FSTL4: variants seen among roughly 807,000 people sequenced by gnomAD.
The protein encoded by FSTL4 is follistatin like 4.
FSTL4 carries 28 observed loss-of-function variants against 78.2 expected under a neutral mutation model. That is an observed-to-expected ratio of 0.36 (90% CI 0.27 to 0.49). The LOEUF (loss-of-function observed/expected upper bound fraction) is 0.49, where lower values mean the gene tolerates loss of function less well. Ranked by LOEUF, FSTL4 falls within the 20% of genes least tolerant of loss-of-function variation. The pLI is 0.98. For synonymous variants in FSTL4, 422 were observed against 440.5 expected (o/e 0.96, Z 0.53); for missense variants, 922 against 1,084.9 (o/e 0.85, Z 2.11).
At chr5:133,657,759 G>GTTTTTTTTTTTTTTTTTTTTTTTTTTTTT in the FSTL4 span, among the ~76,000 whole-genome samples, 1 of 111,776 alleles carries the variant, frequency 8.9e-6, no homozygotes, top group Admixed American at 9.3e-5. Flanking sequence ...CTAGCTTACT[G>GTTTTTTTTTTTTTTTTTTTTTTTTTTTTT]TTTTTTGTTT....
chr5:133,697,881 C>T, the FSTL4 span, among the ~76,000 whole-genome samples: 215 of 151,128 alleles, frequency 1.4e-3, no homozygotes, highest in African/African-American at 5.1e-3. Flanking sequence ...GCTGTACTCC[C>T]CCAGTGTCTG....
intron 3 of FSTL4, among the ~76,000 whole-genome samples, chr5:133,423,373 C>T (rs1756739256): frequency 6.6e-6 from 1 of 152,216 alleles, no homozygotes; most frequent in Admixed American, 6.5e-5. Context: ...GAAGGCCCAT[C>T]CTCCCTCTGC....
At chr5:133,594,377 G>C (rs1400940361) in intron 2 of FSTL4, among the ~76,000 whole-genome samples, 1 of 152,222 alleles carries the variant, frequency 6.6e-6, no homozygotes, top group Non-Finnish European at 1.5e-5. Flanking sequence ...ATTTTTGGTA[G>C]AGACTGGGTT....
At chr5:133,508,737 A>T (rs1388516749) in intron 3 of FSTL4, among the ~76,000 whole-genome samples, 1 of 152,226 alleles carries the variant, frequency 6.6e-6, no homozygotes, top group African/African-American at 2.4e-5. Flanking sequence ...AAGTCCTGAA[A>T]CCACATGAGT....
intron 4 of FSTL4, among the ~76,000 whole-genome samples, chr5:133,398,213 C>A (rs1756124130): frequency 1.3e-5 from 2 of 152,186 alleles, no homozygotes; most frequent in African/African-American, 4.8e-5. Flanking sequence ...GTGCCCAGGT[C>A]TTTCCTGTTT....
Position 133,210,254 on chromosome 5 carries a change from C to T in FSTL4, c.1653G>A (p.Lys551=). 1 of 1,612,900 alleles carries T rather than the reference C, an allele frequency of 6.2e-7. No homozygotes were observed. Among genetic ancestry groups the T allele is most frequent in the Admixed American group, 1.7e-5 (1 of 59,990 alleles). The part of the protein sequence containing the change: ...DPLPAKLSYD[K]SHDQVWVLSW... Reference sequence around the variant, plus strand: ...TCAGGACCCACACTTGGTCATGTGACTTGTCATAGGACAGCTTAGCCGGCA... The same window carrying T: ...TCAGGACCCACACTTGGTCATGTGATTTGTCATAGGACAGCTTAGCCGGCA... Residue 551 remains lysine (K), a synonymous_variant, in exon 14 of 16, where the codon AAG becomes AAA. Transcript: ENST00000265342.
chr5:133,225,907 G>A lies in FSTL4; in HGVS notation c.1016-88C>T. 9.8e-7 allele frequency: 1 copy of A among 1,021,460 alleles called. No homozygotes were observed. Among genetic ancestry groups the A allele is most frequent in the Non-Finnish European group, 1.4e-6 (1 of 736,416 alleles). The allele number at this position is 1,021,460 out of a possible 1,614,324, so 63.3% of individuals were successfully genotyped here. A position where few individuals can be genotyped will look rare whatever the true frequency, so the allele number is the denominator to read the frequency against. On this transcript the variant is annotated intron_variant, in intron 8 of 15. Coordinates refer to ENST00000265342, the MANE Select transcript of FSTL4 (RefSeq NM_015082.2). The surrounding 1 kb of genome is among the most constrained non-coding windows in gnomAD (Gnocchi z 4.6). ...CCCAACCTGAGACCCTGCTCCAGAG[G>A]GGGTGAACCCAAGTAGGTGACTGGA...
At chr5:133,771,136 T>C in the FSTL4 span, among the ~76,000 whole-genome samples, 1,111 of 152,306 alleles carry the variant, frequency 7.3e-3, 6 homozygotes, top group Non-Finnish European at 0.011. Flanking sequence ...CCTTGTAATA[T>C]AATTTGAAGT....
At chr5:133,764,388 G>A in the FSTL4 span, among the ~76,000 whole-genome samples, 1 of 152,146 alleles carries the variant, frequency 6.6e-6, no homozygotes, top group Non-Finnish European at 1.5e-5. Context: ...CCCGTATGAT[G>A]CACCAGGCAT....
the FSTL4 span, among the ~76,000 whole-genome samples, chr5:133,833,564 C>CCTCATCTGT: frequency 3.3e-5 from 5 of 152,210 alleles, no homozygotes; most frequent in Non-Finnish European, 7.3e-5. Context: ...TGGGCTTTCT[C>CCTCATCTGT]CTCATCTGTC....
chr5:133,200,884 C>G (rs1276106604), intron 15 of FSTL4, among the ~76,000 whole-genome samples: 1 of 152,202 alleles, frequency 6.6e-6, no homozygotes, highest in Non-Finnish European at 1.5e-5. Context: ...AGAAAGAAAA[C>G]TCTGCTCTTA....
At chr5:133,550,098 T>C (rs895124146) in intron 3 of FSTL4, among the ~76,000 whole-genome samples, 18 of 152,198 alleles carry the variant, frequency 1.2e-4, no homozygotes, top group African/African-American at 4.3e-4. Context: ...AAAGTCTGCT[T>C]TAGAACCCAA....
the FSTL4 span, among the ~76,000 whole-genome samples, chr5:133,742,684 G>A: frequency 6.6e-6 from 1 of 152,126 alleles, no homozygotes; most frequent in African/African-American, 2.4e-5. Flanking sequence ...CAGATAATAG[G>A]CAGAACAAGC....
At chr5:133,364,755 G>A (rs760863274) in intron 4 of FSTL4, among the ~76,000 whole-genome samples, 15 of 152,078 alleles carry the variant, frequency 9.9e-5, no homozygotes, top group African/African-American at 1.7e-4. Context: ...TTTATCAACC[G>A]TTCTCAAAAT....
In FSTL4 at chr5:133,528,125, T is replaced by A. The variant is rs1369101424; in HGVS notation, c.160+39061A>T. ...ATGTGGTTGCAGGTAAAATGCCATG[T>A]CCCCTCTTGCTGTTTCCGTAACAAT... On this transcript the variant is annotated intron_variant, in intron 3 of 15. Transcript: ENST00000265342. Among the ~76,000 whole-genome samples, 6 of 152,260 alleles carry A rather than the reference T, an allele frequency of 3.9e-5. No homozygotes were observed. The South Asian group carries it at 1.2e-3, about 32-fold the overall frequency.
rs1213122336 is a variant in FSTL4 at position 133,541,903 on chromosome 5, C to T, written c.160+25283G>A. 1.2e-4 allele frequency among the ~76,000 whole-genome samples: 17 copies of T among 137,346 alleles called. 1 individual carries two copies. The Admixed American group carries it at 1.3e-3, about 10-fold the overall frequency. 90.1% of individuals were successfully genotyped at this position (137,346 alleles called of 152,430 possible). ...TATCACTGCTTCTGTGCCTTCTCAG[C>T]ACACAGAGCTAGAGAATGTTACAGA... On this transcript the variant is annotated intron_variant, in intron 3 of 15. Coordinates refer to ENST00000265342, the MANE Select transcript of FSTL4 (RefSeq NM_015082.2).
the FSTL4 span, among the ~76,000 whole-genome samples, chr5:133,786,519 A>C: frequency 1.4e-3 from 209 of 152,224 alleles, 1 homozygote; most frequent in Middle Eastern, 3.4e-3. Context: ...GTGGATCTAC[A>C]CTCAGCTGCA....
At chr5:133,452,899 T>C (rs1757412139) in intron 3 of FSTL4, among the ~76,000 whole-genome samples, 1 of 152,254 alleles carries the variant, frequency 6.6e-6, no homozygotes, top group Admixed American at 6.5e-5. Context: ...GCGCACTCTG[T>C]GCAGTGTCCC....
chr5:133,348,684 C>T (rs1754753996), intron 4 of FSTL4, among the ~76,000 whole-genome samples: 1 of 152,236 alleles, frequency 6.6e-6, no homozygotes, highest in South Asian at 2.1e-4. Context: ...CTCTCTAGTC[C>T]AGCTGCTCAG....
Sources: allele counts gnomAD v4.1 joint callset (sites outside exome capture counted in the v4.1 genomes callset), GRCh38; gene constraint gnomAD v4.1.1; non-coding constraint Gnocchi (gnomAD v3.1); transcripts MANE v1.5; gene names NCBI Gene and HGNC (gene_info 2026-07-23, HGNC 2026-07-21).